Variants in GNB4 observed in about 807,000 individuals in gnomAD.
The protein encoded by GNB4 is guanine nucleotide-binding protein subunit beta-4.
A neutral mutation model predicts 45.2 loss-of-function variants in GNB4; 28 were observed. The ratio of observed to expected loss-of-function variants is 0.62; its 90% CI spans 0.46 to 0.85. The LOEUF is 0.85. Among genes scored for constraint, GNB4 ranks in the 40% least tolerant of loss-of-function variants. The pLI, the probability that GNB4 is intolerant of heterozygous loss-of-function variation, is 0.00. For missense variants in GNB4, 321 were observed against 425.4 expected, an observed-to-expected ratio of 0.75 and a Z score of 2.16; for synonymous variants, 132 against 143.7, an observed-to-expected ratio of 0.92 and a Z score of 0.58.
At chr3:179,464,385 C>T in the GNB4 span, 1 of 1,107,508 alleles carries the variant, frequency 9.0e-7, no homozygotes, top group Non-Finnish European at 1.4e-6. Context: ...GGCTGCCTGG[C>T]TGCTGCAGCC....
chr3:179,416,681 C>A, intron 4 of GNB4, 125 bp from the exon 5 acceptor site: 2 of 501,304 alleles, frequency 4.0e-6, no homozygotes, highest in East Asian at 3.4e-5. Context: ...AACTTGATAC[C>A]AAAAAATGTT....
At chr3:179,519,822 C>T in the GNB4 span, among the ~76,000 whole-genome samples, 1 of 152,254 alleles carries the variant, frequency 6.6e-6, no homozygotes, top group African/African-American at 2.4e-5. Flanking sequence ...AAAATCTAAT[C>T]ACCCTTACCC....
At chr3:179,482,209 A>G in the GNB4 span, among the ~76,000 whole-genome samples, 2 of 152,178 alleles carry the variant, frequency 1.3e-5, no homozygotes, top group African/African-American at 4.8e-5. Flanking sequence ...TTCTTTTAAA[A>G]ATCAAGTTTC....
At chr3:179,445,278 C>G (rs764701301) in intron 1 of GNB4, among the ~76,000 whole-genome samples, 3 of 151,802 alleles carry the variant, frequency 2.0e-5, no homozygotes, top group Non-Finnish European at 4.4e-5. Context: ...GTACTTTATA[C>G]TTTTTTTTCC....
intron 9 of GNB4, among the ~76,000 whole-genome samples, chr3:179,404,405 G>A (rs1714401765): frequency 6.6e-6 from 1 of 152,100 alleles, no homozygotes; most frequent in Non-Finnish European, 1.5e-5. Flanking sequence ...ATACAGGCAT[G>A]TTATTTAGAG....
chr3:179,468,035 A>AAAAAAATATATATATATATAT, the GNB4 span, among the ~76,000 whole-genome samples: 65 of 89,854 alleles, frequency 7.2e-4, 2 homozygotes, highest in African/African-American at 2.2e-3. Context: ...TGTTGATAAA[A>AAAAAAATATATATATATATAT]ATATATATAT....
Position 179,398,003 on chromosome 3 carries a change from A to T in GNB4, c.*3210T>A, listed in dbSNP as rs925658684. On this transcript the variant is annotated 3_prime_UTR_variant, in exon 10 of 10. Coordinates refer to ENST00000232564, the MANE Select transcript of GNB4 (RefSeq NM_021629.4). ...CTCGGCCTCCCAAAGTGCTGGGATT[A>T]CAGGTGTGAGCCACCATGCCTGGCC... 6.6e-6 allele frequency: 1 copy of T among 151,782 alleles called. No individual in the cohort carries two copies. 9.4% of individuals were successfully genotyped at this position (151,782 alleles called of 1,614,324 possible).
At chr3:179,463,249 C>G in the GNB4 span, among the ~76,000 whole-genome samples, 1 of 152,144 alleles carries the variant, frequency 6.6e-6, no homozygotes, top group African/African-American at 2.4e-5. Context: ...CCTACTACGT[C>G]TTTTAGAAAT....
chr3:179,460,150 T>C, the GNB4 span, among the ~76,000 whole-genome samples: 1 of 152,214 alleles, frequency 6.6e-6, no homozygotes, highest in South Asian at 2.1e-4. Flanking sequence ...ATTGTGGCCT[T>C]ATTGCTTGTT....
upstream of GNB4, among the ~76,000 whole-genome samples, chr3:179,452,929 G>A (rs989143947): frequency 6.6e-6 from 1 of 152,174 alleles, no homozygotes; most frequent in Non-Finnish European, 1.5e-5. Flanking sequence ...AAGGGAAATT[G>A]TTAAAGAGTG....
chr3:179,451,755 C>T (rs1423794840), upstream of GNB4, among the ~76,000 whole-genome samples: 2 of 152,186 alleles, frequency 1.3e-5, no homozygotes, highest in Admixed American at 6.5e-5. Context: ...CGCCGGGGCA[C>T]GCTGCTAAGT....
At chr3:179,467,955 GA>G in the GNB4 span, among the ~76,000 whole-genome samples, 1 of 149,252 alleles carries the variant, frequency 6.7e-6, no homozygotes, top group Non-Finnish European at 1.5e-5. Flanking sequence ...TTGCAGGAAG[GA>G]CCCACCCAAA....
chr3:179,430,338 C>T (rs1220610121), intron 1 of GNB4, among the ~76,000 whole-genome samples: 1 of 152,008 alleles, frequency 6.6e-6, no homozygotes, highest in Non-Finnish European at 1.5e-5. Flanking sequence ...ATCCCCCCCA[C>T]CTGAGCTTTT....
chr3:179,405,221 A>G lies in GNB4; in HGVS notation c.885T>C (p.Asn295=), dbSNP rs550870195. 6.4e-5 allele frequency: 103 copies of G among 1,614,022 alleles called. No individual in the cohort carries two copies. Among genetic ancestry groups the G allele is most frequent in the Non-Finnish European group, 8.2e-5 (97 of 1,180,008 alleles). ...LLAGYDDFNC[N]VWDTLKGDRA... is the part of the protein sequence containing the mutation. ...GATCTCCTTTTAGCGTGTCCCATACATTACAATTAAAGTCATCGTAACCAG... is the reference window on the plus strand; with the variant it reads ...GATCTCCTTTTAGCGTGTCCCATACGTTACAATTAAAGTCATCGTAACCAG... Residue 295 remains asparagine, a synonymous_variant, in exon 9 of 10, where the codon AAT becomes AAC. Coordinates refer to ENST00000232564, the MANE Select transcript of GNB4 (RefSeq NM_021629.4).
At chr3:179,464,382 TG>T in the GNB4 span, 1 of 1,069,226 alleles carries the variant, frequency 9.4e-7, no homozygotes, top group South Asian at 1.3e-5. Context: ...GTTGGCTGCC[TG>T]GCTGCTGCAG....
the GNB4 span, among the ~76,000 whole-genome samples, chr3:179,460,903 G>A: frequency 1.3e-5 from 2 of 152,080 alleles, no homozygotes; most frequent in Non-Finnish European, 2.9e-5. Context: ...CCAGCTGTAG[G>A]TGGCAAAAGA....
chr3:179,509,125 C>T, the GNB4 span, among the ~76,000 whole-genome samples: 2 of 150,406 alleles, frequency 1.3e-5, no homozygotes, highest in Non-Finnish European at 3.0e-5. Flanking sequence ...AACCAAGTTT[C>T]CTTGGAGAAA....
intron 1 of GNB4, among the ~76,000 whole-genome samples, chr3:179,436,901 T>C (rs1715467601): frequency 2.0e-5 from 3 of 152,218 alleles, no homozygotes; most frequent in Non-Finnish European, 1.5e-5. Flanking sequence ...GGCTGTTTTG[T>C]GTTCCAGGAA....
chr3:179,467,191 T>C, the GNB4 span, among the ~76,000 whole-genome samples: 2 of 152,106 alleles, frequency 1.3e-5, no homozygotes, highest in African/African-American at 2.4e-5. Flanking sequence ...GTTTTAAACA[T>C]TTGTTTAGAG....
Sources: allele counts gnomAD v4.1 joint callset (sites outside exome capture counted in the v4.1 genomes callset), GRCh38; gene constraint gnomAD v4.1.1; transcripts MANE v1.5; gene names NCBI Gene and HGNC (gene_info 2026-07-23, HGNC 2026-07-21).